The following ZBED4 variants were observed in gnomAD, a reference collection of about 807,000 sequenced individuals.
The protein encoded by ZBED4 is zinc finger BED domain-containing protein 4.
ZBED4 carries 4 observed loss-of-function variants against 15.5 expected under a neutral mutation model. The observed-to-expected ratio is 0.26, with a 90% CI of 0.13 to 0.59. The LOEUF (loss-of-function observed/expected upper bound fraction) is 0.59. ZBED4 is among the 20% of genes least tolerant of loss of function. The pLI is 0.90. For missense variants in ZBED4, 1,323 were observed against 1,461.8 expected, an observed-to-expected ratio of 0.91 and a Z score of 1.55; for synonymous variants, 692 against 608.5, an observed-to-expected ratio of 1.14 and a Z score of -2.02.
In ZBED4 at chr22:49,884,201, C is replaced by T; in HGVS notation, c.539C>T (p.Ser180Phe). Reference protein sequence around the residue: ...IQENGSVSAVSSFPSPSLLLP... With the variant: ...IQENGSVSAVFSFPSPSLLLP... ...GAAAATGGCAGTGTGTCTGCCGTGT[C>T]CTCGTTCCCCTCTCCCTCACTCCTG... Residue 180 changes from serine (S) to phenylalanine (F), a missense_variant, in exon 2 of 2, where the codon TCC (serine) becomes TTC (phenylalanine). Coordinates refer to ENST00000216268, the MANE Select transcript of ZBED4 (RefSeq NM_014838.3). The T allele has an allele frequency of 6.2e-7, 1 of 1,606,286 alleles. No homozygotes were observed. The highest frequency in any genetic ancestry group is 1.1e-5 in the South Asian group (1 of 90,040).
upstream of ZBED4, chr22:49,853,354 G>C (rs2060259378): frequency 6.6e-6 from 1 of 152,358 alleles, no homozygotes; most frequent in African/African-American, 2.4e-5. Context: ...GATCGCCTTA[G>C]GGTCAACGGC....
In ZBED4 at chr22:49,889,304, G is replaced by T. The variant is rs952402205; in HGVS notation, c.*2126G>T. The T allele has an allele frequency of 1.8e-5, 3 of 167,038 alleles. No individual in the cohort carries two copies. Among genetic ancestry groups the T allele is most frequent in the Non-Finnish European group, 4.4e-5 (3 of 68,114 alleles). 10.3% of individuals were successfully genotyped at this position (167,038 alleles called of 1,614,324 possible). A position where few individuals can be genotyped will look rare whatever the true frequency, so the allele number is the denominator to read the frequency against. On this transcript the variant is annotated 3_prime_UTR_variant, in exon 2 of 2. Coordinates refer to ENST00000216268, the MANE Select transcript of ZBED4 (RefSeq NM_014838.3). ...CAGTCACAGCTGTTTTTTTAACATG[G>T]TGTCTTGGCTACTTTCAGGCTGCGA...
chr22:49,868,834 G>A (rs1409196095), intron 1 of ZBED4, among the ~76,000 whole-genome samples: 3 of 151,834 alleles, frequency 2.0e-5, no homozygotes, highest in African/African-American at 4.8e-5. Flanking sequence ...GATGCAGGCC[G>A]GGCGCAATGG....
At chr22:49,864,840 G>A (rs1432928690) in intron 1 of ZBED4, among the ~76,000 whole-genome samples, 86 of 35,116 alleles carry the variant, frequency 2.4e-3, no homozygotes, top group African/African-American at 7.1e-3. Flanking sequence ...AAAAAAAAAA[G>A]CCCTGATTAA....
chr22:49,856,052 C>G (rs1311730757), intron 1 of ZBED4, among the ~76,000 whole-genome samples: 1 of 152,230 alleles, frequency 6.6e-6, no homozygotes, highest in Non-Finnish European at 1.5e-5. Context: ...TGCATCCCAG[C>G]CTTCCAGGCC....
Position 49,885,373 on chromosome 22 carries a change from T to C in ZBED4, c.1711T>C (p.Ser571Pro), listed in dbSNP as rs763952816. 1 of 1,592,422 alleles carries C rather than the reference T, an allele frequency of 6.3e-7. No individual in the cohort carries two copies. Among genetic ancestry groups the C allele is most frequent in the Non-Finnish European group, 8.6e-7 (1 of 1,165,826 alleles). The change falls in exon 2 of 2, where the codon TCC (serine) becomes CCC (proline). Residue 571 changes from serine to proline, a missense_variant. Transcript: ENST00000216268. Reference protein sequence around the residue: ...SKLWNHFSICSADSTKVVCLH... With the variant: ...SKLWNHFSICPADSTKVVCLH... ...GCTGTGGAATCATTTTTCTATTTGC[T>C]CCGCAGACTCCACAAAAGTCGTGTG... is the stretch of plus-strand genomic sequence containing the variant.
intron 1 of ZBED4, among the ~76,000 whole-genome samples, chr22:49,882,289 C>T (rs756744865): frequency 3.3e-5 from 5 of 152,234 alleles, no homozygotes; most frequent in Middle Eastern, 3.4e-3. Flanking sequence ...CATTGGCTCG[C>T]GCATATAACT....
chr22:49,862,574 CG>C (rs1321383400), intron 1 of ZBED4, among the ~76,000 whole-genome samples: 5 of 152,026 alleles, frequency 3.3e-5, no homozygotes, highest in African/African-American at 1.2e-4. Context: ...AGCCCCTGTG[CG>C]TGCCGCCCCA....
rs1169032249 is a variant in ZBED4 at position 49,884,297 on chromosome 22, T to G, written c.635T>G (p.Val212Gly). 1 of 1,613,244 alleles carries G rather than the reference T, an allele frequency of 6.2e-7. No homozygotes were observed. The highest frequency in any genetic ancestry group is 1.1e-5 in the South Asian group (1 of 90,942). Residue 212 changes from valine (V) to glycine (G), a missense_variant, in exon 2 of 2, where the codon GTG (valine) becomes GGG (glycine). Physicochemically the swap from Val to Gly is moderately radical, Grantham distance 109. Transcript: ENST00000216268. ...ILSPIKLVQK[V>G]ASKIPSPDRI... ...TCACCCATCAAACTTGTCCAGAAAG[T>G]GGCGTCTAAGATCCCGTCCCCCGAT... is the stretch of plus-strand genomic sequence containing the variant.
chr22:49,876,074 T>G lies in ZBED4; in HGVS notation c.-329-7260T>G, dbSNP rs142571232. On this transcript the variant is annotated intron_variant, in intron 1 of 1. Transcript: ENST00000216268. ...GTGTAATATAAAAGTGTTATTTATT[T>G]GAAAATAGTTTGGATTTTTTCAGAT... 3.5e-3 allele frequency among the ~76,000 whole-genome samples: 536 copies of G among 152,370 alleles called. 6 individuals are homozygous for G. The highest frequency in any genetic ancestry group is 0.012 in the African/African-American group (493 of 41,594).
chr22:49,872,917 C>T (rs1334643700), intron 1 of ZBED4, among the ~76,000 whole-genome samples: 2 of 152,126 alleles, frequency 1.3e-5, no homozygotes, highest in Admixed American at 6.6e-5. Context: ...AGGATGGTCT[C>T]GATCTCCTGA....
chr22:49,867,612 A>T (rs1391727668), intron 1 of ZBED4, among the ~76,000 whole-genome samples: 2 of 151,998 alleles, frequency 1.3e-5, no homozygotes, highest in Non-Finnish European at 2.9e-5. Context: ...AAAGTCACCC[A>T]CCTCAGCAGC....
In ZBED4 at chr22:49,886,612, T is replaced by G; in HGVS notation, c.2950T>G (p.Ser984Ala). 1.9e-6 allele frequency: 3 copies of G among 1,573,798 alleles called. No individual in the cohort carries two copies. The highest frequency in any genetic ancestry group is 2.4e-5 in the South Asian group (2 of 84,908). Residue 984 changes from serine (S) to alanine (A), a missense_variant, in exon 2 of 2, where the codon TCT (serine) becomes GCT (alanine). Ser to Ala is a moderately conservative substitution (Grantham distance 99, BLOSUM62 1). This residue lies in a region of ZBED4 where 312 missense variants were observed against 410.7 expected (regional missense o/e 0.76). Coordinates refer to ENST00000216268, the MANE Select transcript of ZBED4 (RefSeq NM_014838.3). This position sits in a 1 kb window ranked among gnomAD's most constrained non-coding sequence, Gnocchi z 7.7. ...GATGGGCATCGACACCATGCTGCGCTCTCTGAAGGAGGCCATGGTGAGCCG... is the reference window on the plus strand; with the variant it reads ...GATGGGCATCGACACCATGCTGCGCGCTCTGAAGGAGGCCATGGTGAGCCG... ...ETMGIDTMLR[S>A]LKEAMVSRLS...
At chr22:49,879,872 TC>T (rs2060399155) in intron 1 of ZBED4, among the ~76,000 whole-genome samples, 1 of 70,142 alleles carries the variant, frequency 1.4e-5, no homozygotes, top group Non-Finnish European at 3.1e-5. Flanking sequence ...GGTTGGTTTT[TC>T]TCCTGGTCAG....
chr22:49,884,917 G>A lies in ZBED4; in HGVS notation c.1255G>A (p.Asp419Asn). Reference protein sequence around the residue: ...EDVAAFSSSDDIGEASASSPE... With the variant: ...EDVAAFSSSDNIGEASASSPE... ...CGTGGCGGCCTTCTCATCTTCCGAT[G>A]ACATAGGGGAGGCCTCGGCGTCCTC... Residue 419 changes from aspartate to asparagine, a missense_variant, in exon 2 of 2, where the codon GAC becomes AAC. This residue lies in a region of ZBED4 where 429 missense variants were observed against 397.9 expected (regional missense o/e 1.08). Transcript: ENST00000216268. 1 of 1,603,020 alleles carries A rather than the reference G, an allele frequency of 6.2e-7. No homozygotes were observed. The highest frequency in any genetic ancestry group is 1.3e-5 in the African/African-American group (1 of 74,832).
intron 1 of ZBED4, among the ~76,000 whole-genome samples, chr22:49,867,799 T>C (rs2060328992): frequency 1.3e-5 from 2 of 152,350 alleles, no homozygotes; most frequent in South Asian, 2.1e-4. Context: ...ATTAAAAATA[T>C]CTTCAGTGGA....
rs1392102013 is a variant in ZBED4 at position 49,886,909 on chromosome 22, G to A, written c.3247G>A (p.Ala1083Thr). 3 of 1,614,118 alleles carry A rather than the reference G, an allele frequency of 1.9e-6. No individual in the cohort carries two copies. The highest frequency in any genetic ancestry group is 1.3e-5 in the African/African-American group (1 of 75,030). ...KKDPREKLPE[A>T]MVLAYLEEEV... Reference sequence around the variant, plus strand: ...AGACCCAAGAGAAAAGCTGCCTGAAGCCATGGTGCTTGCGTATCTGGAGGA... The same window carrying A: ...AGACCCAAGAGAAAAGCTGCCTGAAACCATGGTGCTTGCGTATCTGGAGGA... The change falls in exon 2 of 2, where the codon GCC becomes ACC. Residue 1083 changes from alanine (A) to threonine (T), a missense_variant. Around this residue, in one of 6 missense-constraint regions of ZBED4, gnomAD observed 312 missense variants for 410.7 expected, o/e 0.76. Coordinates refer to ENST00000216268, the MANE Select transcript of ZBED4 (RefSeq NM_014838.3). This position sits in a 1 kb window ranked among gnomAD's most constrained non-coding sequence, Gnocchi z 7.7.
At chr22:49,882,192 C>G (rs2060412966) in intron 1 of ZBED4, among the ~76,000 whole-genome samples, 1 of 152,232 alleles carries the variant, frequency 6.6e-6, no homozygotes, top group Non-Finnish European at 1.5e-5. Context: ...CTCTCCTGCC[C>G]ATTTGCCACT....
At chr22:49,872,296 C>T (rs1166227490) in intron 1 of ZBED4, among the ~76,000 whole-genome samples, 6 of 152,164 alleles carry the variant, frequency 3.9e-5, no homozygotes, top group Admixed American at 3.9e-4. Context: ...TTTGCTCATC[C>T]CTAAGCAGCA....
Sources: gnomAD v4.1 joint callset for allele counts (sites outside exome capture counted in the v4.1 genomes callset) on GRCh38, gnomAD v4.1.1 for gene constraint, gnomAD v4.1.1 regional missense constraint, Gnocchi (gnomAD v3.1) non-coding constraint, MANE v1.5 for transcripts, NCBI Gene and HGNC (gene_info 2026-07-23, HGNC 2026-07-21) for gene names.